ANTXR1: variants seen among roughly 807,000 people sequenced by gnomAD.
ANTXR1 encodes ANTXR cell adhesion molecule 1.
Under a neutral mutation model 78.1 loss-of-function variants are expected in ANTXR1, and 19 were observed. That is an observed-to-expected ratio of 0.24 (90% CI 0.17 to 0.36). ANTXR1 has a LOEUF of 0.36. ANTXR1 is among the 10% of genes least tolerant of loss of function. The pLI, the probability that ANTXR1 is intolerant of heterozygous loss-of-function variation, is 1.00. For missense variants in ANTXR1, 518 were observed against 718.6 expected (o/e 0.72, Z 3.19); for synonymous variants, 273 against 260.5 (o/e 1.05, Z -0.46).
intron 3 of ANTXR1, among the ~76,000 whole-genome samples, chr2:69,070,395 G>C (rs1670531168): frequency 6.6e-6 from 1 of 152,200 alleles, no homozygotes; most frequent in Admixed American, 6.5e-5. Flanking sequence ...TTAAGGGAAA[G>C]GAAAGTGTTT....
At chr2:69,226,852 C>T (rs1445563395) in intron 17 of ANTXR1, among the ~76,000 whole-genome samples, 1 of 152,036 alleles carries the variant, frequency 6.6e-6, no homozygotes, top group African/African-American at 2.4e-5. Context: ...ATTTTTTTTC[C>T]TCTTAAAGAT....
intron 17 of ANTXR1, among the ~76,000 whole-genome samples, chr2:69,238,265 A>G (rs1675818358): frequency 6.6e-6 from 1 of 152,190 alleles, no homozygotes; most frequent in African/African-American, 2.4e-5. Flanking sequence ...CACAGATCAC[A>G]AATGTGGTTG....
Position 69,199,359 on chromosome 2 carries a change from T to C in ANTXR1, c.1434+5944T>C, listed in dbSNP as rs147928130. Among the ~76,000 whole-genome samples, 13 of 152,302 alleles carry C rather than the reference T, an allele frequency of 8.5e-5. No homozygotes were observed. In the East Asian group the frequency reaches 2.5e-3, roughly 29 times the overall value. ...AACCAAACAAACTTCAGAGTACCTC[T>C]CACCCTGAGAGTCTGGGGTCCTAGG... On this transcript the variant is annotated intron_variant, in intron 17 of 17. Transcript: ENST00000303714.
chr2:69,178,657 C>A (rs964028380), intron 14 of ANTXR1, among the ~76,000 whole-genome samples: 6 of 152,344 alleles, frequency 3.9e-5, no homozygotes, highest in Admixed American at 2.0e-4. Context: ...CGGCTTCATG[C>A]ATCTTACTAT....
At chr2:69,077,251 A>T (rs927034000) in intron 7 of ANTXR1, 157 bp from the exon 8 acceptor site, 3 of 726,440 alleles carry the variant, frequency 4.1e-6, no homozygotes, top group Non-Finnish European at 4.8e-6. Flanking sequence ...GTTATTACTG[A>T]TGGCTTTTCA....
chr2:69,160,594 G>A (rs1453210403), intron 13 of ANTXR1, among the ~76,000 whole-genome samples: 1 of 152,046 alleles, frequency 6.6e-6, no homozygotes, highest in African/African-American at 2.4e-5. Flanking sequence ...AAGTACTCAG[G>A]GGCAGCATTT....
chr2:69,062,370 G>A (rs1670272087), intron 3 of ANTXR1, among the ~76,000 whole-genome samples: 1 of 152,184 alleles, frequency 6.6e-6, no homozygotes, highest in Non-Finnish European at 1.5e-5. Flanking sequence ...TCCTACCAGA[G>A]TGAAATACAA....
At chr2:69,187,661 C>T (rs1230267717) in intron 16 of ANTXR1, among the ~76,000 whole-genome samples, 1 of 140,664 alleles carries the variant, frequency 7.1e-6, no homozygotes, top group Non-Finnish European at 1.5e-5. Context: ...AATCTCAGCT[C>T]ACTACAACCT....
intron 3 of ANTXR1, among the ~76,000 whole-genome samples, chr2:69,069,724 C>G (rs1489834911): frequency 6.6e-6 from 1 of 152,184 alleles, no homozygotes; most frequent in East Asian, 1.9e-4. Context: ...AATCAGAAAT[C>G]TTTGGTCACT....
At chr2:69,088,457 A>G (rs774489109) in intron 8 of ANTXR1, among the ~76,000 whole-genome samples, 11 of 152,196 alleles carry the variant, frequency 7.2e-5, no homozygotes, top group Non-Finnish European at 1.3e-4. Flanking sequence ...GTGTTGTTCT[A>G]ATATCACTGT....
chr2:69,164,486 G>A (rs1344722879), intron 13 of ANTXR1, among the ~76,000 whole-genome samples: 2 of 152,176 alleles, frequency 1.3e-5, no homozygotes, highest in Admixed American at 6.5e-5. Context: ...AATAGTGGCC[G>A]AGTAACAAAC....
intron 3 of ANTXR1, 25 bp from the exon 4 acceptor site, chr2:69,070,622 C>G (rs767665224): frequency 6.2e-7 from 1 of 1,610,344 alleles, no homozygotes; most frequent in East Asian, 2.2e-5. Context: ...TCAAATAAGA[C>G]TAACAGAGTG....
intron 8 of ANTXR1, among the ~76,000 whole-genome samples, chr2:69,081,228 G>C (rs1356613136): frequency 6.6e-6 from 1 of 152,150 alleles, no homozygotes; most frequent in Admixed American, 6.5e-5. Flanking sequence ...TGGTGGAGTG[G>C]GGAATTTGAA....
intron 17 of ANTXR1, among the ~76,000 whole-genome samples, chr2:69,197,284 C>T (rs1558639075): frequency 6.6e-6 from 1 of 152,168 alleles, no homozygotes; most frequent in Non-Finnish European, 1.5e-5. Context: ...AGTAGGTAGC[C>T]ACCACAGTGC....
chr2:69,093,899 T>C (rs1169582768), intron 9 of ANTXR1, among the ~76,000 whole-genome samples: 3 of 152,174 alleles, frequency 2.0e-5, no homozygotes, highest in African/African-American at 2.4e-5. Context: ...CAAGACACAA[T>C]GATGAAAGCT....
intron 13 of ANTXR1, among the ~76,000 whole-genome samples, chr2:69,158,941 C>T (rs576043413): frequency 6.6e-6 from 1 of 152,268 alleles, no homozygotes; most frequent in East Asian, 1.9e-4. Context: ...AGAAACTAAT[C>T]CCAAAATATG....
intron 7 of ANTXR1, 76 bp from the exon 8 acceptor site, chr2:69,077,332 C>G: frequency 6.5e-7 from 1 of 1,531,736 alleles, no homozygotes; most frequent in Non-Finnish European, 9.0e-7. Context: ...CCCCTTAGCC[C>G]CAACGGCTTT....
chr2:69,073,253 T>C, intron 6 of ANTXR1, 152 bp downstream of exon 6: 1 of 741,154 alleles, frequency 1.3e-6, no homozygotes, highest in Admixed American at 2.3e-5. Context: ...ATAATAATAA[T>C]TCGTGTTCTA....
intron 14 of ANTXR1, among the ~76,000 whole-genome samples, chr2:69,174,649 A>T (rs1158217896): frequency 4.6e-5 from 7 of 151,992 alleles, no homozygotes; most frequent in South Asian, 2.1e-4. Flanking sequence ...AGAGAGAGAG[A>T]GTGTAACTGG....
Sources: allele counts gnomAD v4.1 joint callset (sites outside exome capture counted in the v4.1 genomes callset), GRCh38; gene constraint gnomAD v4.1.1; transcripts MANE v1.5; gene names NCBI Gene and HGNC (gene_info 2026-07-23, HGNC 2026-07-21).